The following OR51B5 variants were observed in gnomAD, a reference collection of about 807,000 sequenced individuals.
The protein encoded by OR51B5 is olfactory receptor family 51 subfamily B member 5.
For synonymous variants in OR51B5, 186 were observed against 144.8 expected (o/e 1.28, Z -2.04); for missense variants, 456 against 374.6 (o/e 1.22, Z -1.79).
intron 1 of OR51B5, among the ~76,000 whole-genome samples, chr11:5,376,801 A>C (rs775266529): frequency 6.6e-6 from 1 of 151,364 alleles, no homozygotes; most frequent in Non-Finnish European, 1.5e-5. Context: ...CAGGATCTGA[A>C]ATTGTGGCAA....
intron 1 of OR51B5, among the ~76,000 whole-genome samples, chr11:5,443,388 C>T (rs1250276018): frequency 6.6e-6 from 1 of 152,062 alleles, no homozygotes; most frequent in African/African-American, 2.4e-5. Flanking sequence ...GGCAAAGCAT[C>T]CATTTAATGA....
chr11:5,462,455 A>G (rs978206222), intron 1 of OR51B5, among the ~76,000 whole-genome samples: 1 of 152,198 alleles, frequency 6.6e-6, no homozygotes, highest in Admixed American at 6.5e-5. Flanking sequence ...TCTGATTACC[A>G]CAAAGAGGTC....
chr11:5,389,150 C>G (rs1391790436), intron 1 of OR51B5, among the ~76,000 whole-genome samples: 1 of 151,916 alleles, frequency 6.6e-6, no homozygotes, highest in Non-Finnish European at 1.5e-5. Flanking sequence ...AAGGGTTGAG[C>G]AATAAAGGCA....
intron 1 of OR51B5, among the ~76,000 whole-genome samples, chr11:5,352,687 T>A (rs766342713): frequency 3.3e-5 from 5 of 151,970 alleles, no homozygotes; most frequent in Admixed American, 6.6e-5. Context: ...ACTGATATTG[T>A]TTTCTCAGGT....
intron 1 of OR51B5, among the ~76,000 whole-genome samples, chr11:5,402,383 T>A (rs1448680672): frequency 6.6e-6 from 1 of 152,236 alleles, no homozygotes; most frequent in Non-Finnish European, 1.5e-5. Context: ...TATCTGCCTA[T>A]GACAGAAGCT....
chr11:5,341,085 GAATATA>G (rs1412014540), downstream of OR51B5: 1 of 152,034 alleles, frequency 6.6e-6, no homozygotes, highest in Non-Finnish European at 1.5e-5. Context: ...TAATGAAACA[GAATATA>G]AATAAGGATT....
At chr11:5,436,637 T>C (rs981518245) in intron 1 of OR51B5, among the ~76,000 whole-genome samples, 13 of 152,226 alleles carry the variant, frequency 8.5e-5, no homozygotes, top group African/African-American at 3.1e-4. Context: ...GTTCTTTCTA[T>C]AGAAAACCTA....
intron 1 of OR51B5, among the ~76,000 whole-genome samples, chr11:5,358,518 A>C (rs1485937890): frequency 6.6e-6 from 1 of 152,206 alleles, no homozygotes; most frequent in Non-Finnish European, 1.5e-5. Flanking sequence ...ACCAACCAAA[A>C]ACAGTCCAGG....
chr11:5,425,026 A>C (rs935389229), intron 1 of OR51B5, among the ~76,000 whole-genome samples: 5 of 139,134 alleles, frequency 3.6e-5, no homozygotes, highest in Admixed American at 1.5e-4. Context: ...CAAATACCAA[A>C]GGAATCTCTT....
At chr11:5,429,811 G>C (rs911356431) in intron 1 of OR51B5, among the ~76,000 whole-genome samples, 1 of 152,236 alleles carries the variant, frequency 6.6e-6, no homozygotes, top group African/African-American at 2.4e-5. Flanking sequence ...GCCAATAAGT[G>C]TTTATCTAAA....
chr11:5,442,265 A>G (rs981849141), intron 1 of OR51B5, among the ~76,000 whole-genome samples: 25 of 152,240 alleles, frequency 1.6e-4, no homozygotes, highest in African/African-American at 5.8e-4. Context: ...ACCAAAGAAG[A>G]AAGTATTTTA....
intron 1 of OR51B5, among the ~76,000 whole-genome samples, chr11:5,384,530 G>A (rs762392962): frequency 1.3e-5 from 2 of 152,164 alleles, no homozygotes; most frequent in Admixed American, 6.5e-5. Context: ...AGGCAGGGCT[G>A]CCTCACTCCC....
Position 5,441,238 on chromosome 11 carries a change from G to T in OR51B5, n.84+64331C>A, listed in dbSNP as rs1389563890. On this transcript the variant is annotated intron_variant and non_coding_transcript_variant, in intron 1 of 4. Transcript: ENST00000415970. ...ACCAGGCAAGCATTAAACGCAACAT[G>T]GTTGTAGTTGAAGCAGAAAGTAGAA... 1.9e-6 allele frequency: 3 copies of T among 1,613,950 alleles called. No homozygotes were observed. The South Asian group carries it at 3.3e-5, about 18-fold the overall frequency.
At chr11:5,362,195 A>G (rs933185555) in intron 1 of OR51B5, among the ~76,000 whole-genome samples, 4 of 152,194 alleles carry the variant, frequency 2.6e-5, no homozygotes, top group Non-Finnish European at 4.4e-5. Flanking sequence ...GATCTCAACC[A>G]CACCCAGATA....
chr11:5,374,494 C>T (rs181898130), intron 1 of OR51B5, among the ~76,000 whole-genome samples: 20 of 152,184 alleles, frequency 1.3e-4, no homozygotes, highest in East Asian at 3.9e-4. Flanking sequence ...ATGACTTTGA[C>T]GAGCTGAGAG....
chr11:5,468,802 G>A, intron 1 of OR51B5: 2 of 455,082 alleles, frequency 4.4e-6, no homozygotes, highest in African/African-American at 2.0e-5. Flanking sequence ...CAAAGGCAGA[G>A]ATGACAATGA....
chr11:5,418,562 G>GT (rs1850277319), intron 1 of OR51B5, among the ~76,000 whole-genome samples: 1 of 152,082 alleles, frequency 6.6e-6, no homozygotes, highest in Non-Finnish European at 1.5e-5. Context: ...AAAAGGATGA[G>GT]TTCATGTCTC....
chr11:5,455,305 G>A (rs1197147338), intron 1 of OR51B5: 1 of 149,740 alleles, frequency 6.7e-6, no homozygotes, highest in East Asian at 2.0e-4. Flanking sequence ...TCCACAAAAT[G>A]ACATGTTAAG....
chr11:5,375,852 T>A (rs1231235857), intron 1 of OR51B5, among the ~76,000 whole-genome samples: 4 of 152,072 alleles, frequency 2.6e-5, no homozygotes, highest in East Asian at 3.9e-4. Flanking sequence ...ACTCCCACAC[T>A]TTAATAATGG....
Sources: allele counts gnomAD v4.1 joint callset (sites outside exome capture counted in the v4.1 genomes callset), GRCh38; gene constraint gnomAD v4.1.1; transcripts MANE v1.5; gene names NCBI Gene and HGNC (gene_info 2026-07-23, HGNC 2026-07-21).